STAB2: variants seen among roughly 807,000 people sequenced by gnomAD.
The protein encoded by STAB2 is stabilin 2, also known as stabilin-2.
STAB2 carries 288 observed loss-of-function variants against 338.1 expected under a neutral mutation model. That is an observed-to-expected ratio of 0.85 (90% CI 0.77 to 0.94). The LOEUF (loss-of-function observed/expected upper bound fraction) is 0.94, where lower values mean the gene tolerates loss of function less well. Ranked by LOEUF, STAB2 falls within the 40% of genes least tolerant of loss-of-function variation. STAB2 has a pLI of 0.00. For missense variants in STAB2, 3,141 were observed against 3,210.1 expected (o/e 0.98, Z 0.52); for synonymous variants, 1,202 against 1,193.3 (o/e 1.01, Z -0.15).
At chr12:103,744,001 G>A (rs1204135737) in intron 56 of STAB2, among the ~76,000 whole-genome samples, 1 of 152,164 alleles carries the variant, frequency 6.6e-6, no homozygotes, top group Non-Finnish European at 1.5e-5. Context: ...GCTCTGGGGA[G>A]GGTATCTGTA....
At chr12:103,736,392 A>G (rs1004586860) in intron 52 of STAB2, among the ~76,000 whole-genome samples, 2 of 152,250 alleles carry the variant, frequency 1.3e-5, no homozygotes, top group African/African-American at 2.4e-5. Flanking sequence ...AACATTCTGC[A>G]TACATCTTAT....
chr12:103,646,805 T>G (rs1873368837), intron 9 of STAB2, among the ~76,000 whole-genome samples: 1 of 152,204 alleles, frequency 6.6e-6, no homozygotes, highest in Non-Finnish European at 1.5e-5. Flanking sequence ...GGATCCATCT[T>G]CTAGGACAGT....
intron 15 of STAB2, 110 bp downstream of exon 15, chr12:103,655,691 A>T: frequency 7.4e-7 from 1 of 1,349,022 alleles, no homozygotes; most frequent in East Asian, 2.4e-5. Flanking sequence ...TACATGTATC[A>T]CCACCTACCC....
chr12:103,671,596 AG>A (rs1875795817), intron 22 of STAB2, among the ~76,000 whole-genome samples: 1 of 152,208 alleles, frequency 6.6e-6, no homozygotes, highest in African/African-American at 2.4e-5. Flanking sequence ...TGATGAAAAT[AG>A]CAAGTGTCTT....
rs193087550 is a variant in STAB2, at chr12:103,644,921, T to C, written c.1041-3769T>C. On this transcript the variant is annotated intron_variant, in intron 9 of 68. Transcript: ENST00000388887. ...GTAACAAAATAGCTCGTGTATCCCA[T>C]AAATGTATACACCTACTATGTACCC... 1.2e-3 allele frequency among the ~76,000 whole-genome samples: 176 copies of C among 152,218 alleles called. 2 individuals are homozygous for C. Among genetic ancestry groups the C allele is most frequent in the Non-Finnish European group, 7.4e-5 (5 of 68,002 alleles).
intron 3 of STAB2, 119 bp from the exon 4 acceptor site, chr12:103,620,349 G>A: frequency 1.1e-6 from 1 of 890,510 alleles, no homozygotes; most frequent in East Asian, 2.7e-5. Flanking sequence ...ACACCAACAG[G>A]TTCTGCAATT....
chr12:103,681,264 C>T (rs1005786119), intron 25 of STAB2, among the ~76,000 whole-genome samples: 1 of 151,962 alleles, frequency 6.6e-6, no homozygotes, highest in Non-Finnish European at 1.5e-5. Flanking sequence ...TCATTTTTGA[C>T]GCACTTGAGT....
chr12:103,741,401 CATTT>C (rs1882572652), intron 55 of STAB2, among the ~76,000 whole-genome samples: 1 of 152,208 alleles, frequency 6.6e-6, no homozygotes, highest in Non-Finnish European at 1.5e-5. Context: ...CATATCAAAA[CATTT>C]AATCTGGGCA....
rs146334331 is a variant in STAB2, at chr12:103,602,600, G to A, written c.331+8090G>A. ...TTCATTTCTATCAACAATGTATGAG[G>A]AGTCCAGTTGTTTGGCATCCTTGCT... On this transcript the variant is annotated intron_variant, in intron 3 of 68. Coordinates refer to ENST00000388887, the MANE Select transcript of STAB2 (RefSeq NM_017564.10). Among the ~76,000 whole-genome samples the A allele has an allele frequency of 9.9e-4, 151 of 152,316 alleles. 1 individual carries two copies. The highest frequency in any genetic ancestry group is 3.5e-3 in the Admixed American group (54 of 15,306).
At chr12:103,710,352 G>A (rs1247353331) in intron 39 of STAB2, among the ~76,000 whole-genome samples, 1 of 151,958 alleles carries the variant, frequency 6.6e-6, no homozygotes, top group Non-Finnish European at 1.5e-5. Flanking sequence ...GGAAATAAAT[G>A]TTTAGTAAAA....
chr12:103,738,518 T>A (rs1882329968), intron 53 of STAB2, among the ~76,000 whole-genome samples: 1 of 152,200 alleles, frequency 6.6e-6, no homozygotes, highest in Non-Finnish European at 1.5e-5. Context: ...CACCAGTTGA[T>A]ATCAGTACCT....
chr12:103,653,740 AT>A, intron 12 of STAB2, among the ~76,000 whole-genome samples: 1 of 148,858 alleles, frequency 6.7e-6, no homozygotes, highest in African/African-American at 2.6e-5. Context: ...GGATGGATGG[AT>A]GGATGAATGG....
chr12:103,739,382 T>G, intron 53 of STAB2, 30 bp from the exon 54 acceptor site: 1 of 1,551,856 alleles, frequency 6.4e-7, no homozygotes, highest in Non-Finnish European at 8.7e-7. Context: ...ATATTCTTGG[T>G]TTTCAAGTGT....
intron 30 of STAB2, 65 bp downstream of exon 30, chr12:103,690,603 A>G: frequency 7.0e-7 from 1 of 1,425,872 alleles, no homozygotes; most frequent in Non-Finnish European, 9.7e-7. Flanking sequence ...TGTACTTTTT[A>G]AATTTTCATG....
Position 103,717,831 on chromosome 12 carries a change from T to C in STAB2, c.4673T>C (p.Val1558Ala), listed in dbSNP as rs755513939. The C allele has an allele frequency of 1.2e-6, 2 of 1,614,122 alleles. No homozygotes were observed. The highest frequency in any genetic ancestry group is 2.2e-5 in the South Asian group (2 of 91,080). ...GDGKVCTLINVCLTKNGGCSE... is the reference protein window; with the variant it reads ...GDGKVCTLINACLTKNGGCSE... ...GGAAAGGTCTGCACACTCATCAATG[T>C]CTGCTTAACTGTGAGTATGGCTCTA... Residue 1558 changes from valine (V) to alanine (A), a missense_variant, in exon 44 of 69, where the codon GTC becomes GCC. Coordinates refer to ENST00000388887, the MANE Select transcript of STAB2 (RefSeq NM_017564.10).
chr12:103,711,531 G>T lies in STAB2; in HGVS notation c.4334+15G>T, dbSNP rs766558485. On this transcript the variant is annotated intron_variant, in intron 40 of 68. Coordinates refer to ENST00000388887, the MANE Select transcript of STAB2 (RefSeq NM_017564.10). ...ACCAGCGCCAAGTAGGTAGCCCTGG[G>T]CCACCTCTGGGGACAGTGTAAAGGG... The T allele has an allele frequency of 9.9e-6, 16 of 1,614,018 alleles. No individual in the cohort carries two copies. The highest frequency in any genetic ancestry group is 1.3e-5 in the Non-Finnish European group (15 of 1,179,986).
At chr12:103,646,893 G>A (rs1186693782) in intron 9 of STAB2, among the ~76,000 whole-genome samples, 1 of 152,202 alleles carries the variant, frequency 6.6e-6, no homozygotes, top group East Asian at 1.9e-4. Flanking sequence ...TCGATGGGAT[G>A]TGCTGGAAGT....
chr12:103,672,459 C>G (rs1298779782), intron 22 of STAB2, among the ~76,000 whole-genome samples: 1 of 152,154 alleles, frequency 6.6e-6, no homozygotes, highest in African/African-American at 2.4e-5. Flanking sequence ...ATACAGGGGT[C>G]TCGTACCTTG....
Position 103,685,081 on chromosome 12 carries a change from A to G in STAB2, c.2994A>G (p.Ala998=), listed in dbSNP as rs766643143. 5 of 1,613,842 alleles carry G rather than the reference A, an allele frequency of 3.1e-6. No homozygotes were observed. The highest frequency in any genetic ancestry group is 1.7e-4 in the Middle Eastern group (1 of 6,056). ...GDGFLCYGNA[A]VELSFLSEAA... The stretch of plus-strand genomic sequence containing the variant: ...GCTTTCTGTGCTATGGAAACGCAGC[A>G]GTGGTAAGTCATCGATGATGAACTC... The change falls in exon 27 of 69, where the codon GCA becomes GCG. Residue 998 remains alanine (A), a synonymous_variant. Transcript: ENST00000388887.
Sources: gnomAD v4.1 joint callset for allele counts (sites outside exome capture counted in the v4.1 genomes callset) on GRCh38, gnomAD v4.1.1 for gene constraint, MANE v1.5 for transcripts, NCBI Gene and HGNC (gene_info 2026-07-23, HGNC 2026-07-21) for gene names.